Variants in VPS50 observed in about 807,000 individuals in gnomAD.
The protein encoded by VPS50 is VPS50 subunit of EARP/GARPII complex.
In VPS50, 70 loss-of-function variants were observed where a neutral mutation model predicts 139.7. The ratio of observed to expected loss-of-function variants is 0.50; its 90% CI spans 0.41 to 0.61. The LOEUF is 0.61. Ranked by LOEUF, VPS50 falls within the 20% of genes least tolerant of loss-of-function variation. The pLI is 0.00. For missense variants in VPS50, 921 were observed against 1,133.7 expected (o/e 0.81, Z 2.69); for synonymous variants, 365 against 376.7 (o/e 0.97, Z 0.36).
At chr7:93,334,061 T>C in intron 21 of VPS50, 56 bp from the exon 22 acceptor site, 1 of 944,096 alleles carries the variant, frequency 1.1e-6, no homozygotes, top group East Asian at 2.4e-5. Context: ...AATTTGAAGA[T>C]GTAACATTTG....
chr7:93,261,571 G>C (rs531200568), intron 9 of VPS50, among the ~76,000 whole-genome samples: 2 of 151,682 alleles, frequency 1.3e-5, no homozygotes, highest in East Asian at 3.9e-4. Context: ...CCAGCTACTC[G>C]GGAGGCTGAG....
At chr7:93,246,054 C>T (rs1252998949) in intron 2 of VPS50, 4 of 1,183,142 alleles carry the variant, frequency 3.4e-6, no homozygotes, top group African/African-American at 1.6e-5. Flanking sequence ...ACTTCTAGCT[C>T]TGTTTAGATT....
chr7:93,240,377 G>A lies in VPS50; in HGVS notation c.102+443G>A, dbSNP rs1383809708. On this transcript the variant is annotated intron_variant, in intron 2 of 27. Coordinates refer to ENST00000305866, the MANE Select transcript of VPS50 (RefSeq NM_017667.4). ...AAAATCATGATTATATTTTTGTTGT[G>A]GAGCAGAGGTTTTTGAAAAAGCATC... Among the ~76,000 whole-genome samples, 4 of 151,878 alleles carry A rather than the reference G, an allele frequency of 2.6e-5. No individual in the cohort carries two copies. In the East Asian group the frequency reaches 7.7e-4, roughly 29 times the overall value.
At chr7:93,273,799 T>C (rs2116887874) in intron 11 of VPS50, among the ~76,000 whole-genome samples, 1 of 152,280 alleles carries the variant, frequency 6.6e-6, no homozygotes, top group South Asian at 2.1e-4. Flanking sequence ...TAAAGGTTTA[T>C]GACAAACCTG....
chr7:93,284,784 G>C (rs1796434759), intron 12 of VPS50, among the ~76,000 whole-genome samples: 1 of 152,170 alleles, frequency 6.6e-6, no homozygotes, highest in Admixed American at 6.5e-5. Flanking sequence ...CAGGAGTCAT[G>C]ATCAAGTAAG....
chr7:93,343,972 C>T (rs911621600), intron 23 of VPS50, among the ~76,000 whole-genome samples: 1 of 152,140 alleles, frequency 6.6e-6, no homozygotes, highest in Non-Finnish European at 1.5e-5. Flanking sequence ...CAAATTCACA[C>T]ATAACCATAT....
At chr7:93,247,367 C>A (rs1795187074) in intron 2 of VPS50, among the ~76,000 whole-genome samples, 1 of 151,938 alleles carries the variant, frequency 6.6e-6, no homozygotes, top group Non-Finnish European at 1.5e-5. Context: ...GGCATACATG[C>A]AGACTCTCCC....
intron 16 of VPS50, among the ~76,000 whole-genome samples, chr7:93,298,864 T>C (rs754443998): frequency 6.6e-6 from 1 of 152,192 alleles, no homozygotes; most frequent in Non-Finnish European, 1.5e-5. Context: ...TGAGTAATAG[T>C]AGACTTGGGT....
chr7:93,255,285 C>T (rs897840088), intron 4 of VPS50, among the ~76,000 whole-genome samples: 1 of 152,216 alleles, frequency 6.6e-6, no homozygotes, highest in African/African-American at 2.4e-5. Context: ...GACAGATCAT[C>T]AGGCATTAGA....
intron 22 of VPS50, among the ~76,000 whole-genome samples, chr7:93,336,063 T>C (rs993235839): frequency 2.0e-5 from 3 of 152,244 alleles, no homozygotes; most frequent in African/African-American, 7.2e-5. Context: ...GCATTTACAA[T>C]GGCAGAGTAC....
At chr7:93,305,573 A>G (rs1422468777) in intron 17 of VPS50, among the ~76,000 whole-genome samples, 2 of 151,896 alleles carry the variant, frequency 1.3e-5, no homozygotes, top group Non-Finnish European at 2.9e-5. Flanking sequence ...GCAGTTTCTT[A>G]AAGGAAGCCA....
At chr7:93,275,215 T>G (rs1406178427) in intron 11 of VPS50, among the ~76,000 whole-genome samples, 5 of 152,144 alleles carry the variant, frequency 3.3e-5, no homozygotes, top group Non-Finnish European at 5.9e-5. Flanking sequence ...AGAAATAATT[T>G]GGGATATTAC....
chr7:93,277,321 G>A (rs984545550), intron 12 of VPS50, among the ~76,000 whole-genome samples: 1 of 152,158 alleles, frequency 6.6e-6, no homozygotes, highest in Non-Finnish European at 1.5e-5. Context: ...ACCATGTGGA[G>A]GTACTGTTTA....
chr7:93,322,605 A>AG (rs1797649832), intron 20 of VPS50, among the ~76,000 whole-genome samples: 1 of 151,226 alleles, frequency 6.6e-6, no homozygotes, highest in African/African-American at 2.4e-5. Context: ...GTCTCAAAAA[A>AG]AAAAAAAAAA....
intron 1 of VPS50, among the ~76,000 whole-genome samples, chr7:93,238,320 A>T (rs1794880408): frequency 1.3e-5 from 2 of 150,588 alleles, no homozygotes; most frequent in Non-Finnish European, 3.0e-5. Context: ...TCCAGCGAGC[A>T]TTCCTAGAAA....
At chr7:93,345,448 A>G (rs1207444390) in intron 23 of VPS50, among the ~76,000 whole-genome samples, 1 of 152,230 alleles carries the variant, frequency 6.6e-6, no homozygotes, top group East Asian at 1.9e-4. Context: ...CAATCAATAG[A>G]AAAAGAGGGA....
intron 12 of VPS50, among the ~76,000 whole-genome samples, chr7:93,285,531 TG>T (rs1435085570): frequency 6.6e-6 from 1 of 152,202 alleles, no homozygotes; most frequent in East Asian, 1.9e-4. Flanking sequence ...ATTCTTTTAT[TG>T]TGTGCTTCAA....
Position 93,333,744 on chromosome 7 carries a change from T to G in VPS50, c.1978-373T>G, listed in dbSNP as rs1292085035. 2.0e-5 allele frequency among the ~76,000 whole-genome samples: 3 copies of G among 152,250 alleles called. No individual in the cohort carries two copies. The East Asian group carries it at 5.8e-4, about 29-fold the overall frequency. ...CCAAAAAATATAAATAACTTTATGT[T>G]GTTATGCTGCCACATGAACACAGCA... On this transcript the variant is annotated intron_variant, in intron 21 of 27. Coordinates refer to ENST00000305866, the MANE Select transcript of VPS50 (RefSeq NM_017667.4).
At chr7:93,356,581 A>G (rs1008441729) in intron 27 of VPS50, among the ~76,000 whole-genome samples, 3 of 152,222 alleles carry the variant, frequency 2.0e-5, no homozygotes, top group African/African-American at 7.2e-5. Flanking sequence ...CTTAACTTAC[A>G]TCTTACATTA....
Sources: gnomAD v4.1 joint callset for allele counts (sites outside exome capture counted in the v4.1 genomes callset) on GRCh38, gnomAD v4.1.1 for gene constraint, MANE v1.5 for transcripts, NCBI Gene and HGNC (gene_info 2026-07-23, HGNC 2026-07-21) for gene names.